Variants in ARHGEF10L observed in about 807,000 individuals in gnomAD.
ARHGEF10L encodes Rho guanine nucleotide exchange factor 10 like, also known as rho guanine nucleotide exchange factor 10-like protein.
ARHGEF10L carries 69 observed loss-of-function variants against 141.2 expected under a neutral mutation model. The observed-to-expected ratio is 0.49, with a 90% confidence interval of 0.40 to 0.60. The LOEUF (loss-of-function observed/expected upper bound fraction) is 0.60, where lower values mean the gene tolerates loss of function less well. Ranked by LOEUF, ARHGEF10L falls within the 20% of genes least tolerant of loss-of-function variation. The pLI is 0.00. For missense variants in ARHGEF10L, 1,482 were observed against 1,734.3 expected (o/e 0.85, Z 2.58); for synonymous variants, 711 against 718.5 (o/e 0.99, Z 0.17).
chr1:17,682,050 T>C (rs1235555425), intron 26 of ARHGEF10L, among the ~76,000 whole-genome samples: 5 of 152,146 alleles, frequency 3.3e-5, no homozygotes, highest in Admixed American at 3.3e-4. Flanking sequence ...GATGTTCACA[T>C]TGTCTTGAAT....
chr1:17,627,208 C>A lies in ARHGEF10L; in HGVS notation c.1411-122C>A. On this transcript the variant is annotated intron_variant, in intron 14 of 28. Transcript: ENST00000361221. The surrounding 1 kb of genome is among the most constrained non-coding windows in gnomAD (Gnocchi z 4.0). Reference sequence around the variant, plus strand: ...CTGCATCTGGTGCCATCTGTCCTGGCCTCAGGCCGGGCCCTTTGCAGACCC... The same window carrying A: ...CTGCATCTGGTGCCATCTGTCCTGGACTCAGGCCGGGCCCTTTGCAGACCC... 2 of 1,197,908 alleles carry A rather than the reference C, an allele frequency of 1.7e-6. No homozygotes were observed. Among genetic ancestry groups the A allele is most frequent in the Non-Finnish European group, 2.4e-6 (2 of 845,570 alleles). 74.2% of individuals were successfully genotyped at this position (1,197,908 alleles called of 1,614,324 possible). A position where few individuals can be genotyped will look rare whatever the true frequency, so the allele number is the denominator to read the frequency against.
chr1:17,683,088 A>AGGGTGCTCACTGCCCCCTGCTCTCACCC (rs2064252141), intron 26 of ARHGEF10L, among the ~76,000 whole-genome samples: 1 of 142,956 alleles, frequency 7.0e-6, no homozygotes. Context: ...TGCTCTCACC[A>AGGGTGCTCACTGCCCCCTGCTCTCACCC]GGGTGCTCAC....
At chr1:17,643,549 A>G (rs547789546) in intron 21 of ARHGEF10L, among the ~76,000 whole-genome samples, 1 of 152,206 alleles carries the variant, frequency 6.6e-6, no homozygotes, top group Non-Finnish European at 1.5e-5. Context: ...TTTGAGAGGC[A>G]GTAAGGGGTG....
rs545847491 is a variant in ARHGEF10L, at chr1:17,553,630, A to G, written c.-44+13680A>G. Among the ~76,000 whole-genome samples the G allele has an allele frequency of 8.6e-5, 13 of 152,042 alleles. No homozygotes were observed. The South Asian group carries it at 2.7e-3, about 32-fold the overall frequency. On this transcript the variant is annotated intron_variant, in intron 1 of 28. Coordinates refer to ENST00000361221, the MANE Select transcript of ARHGEF10L (RefSeq NM_018125.4). ...GACCCCATCTTTAAAAAAAAGCCAA[A>G]AAACAAAAATTAGCCAGGCATGATG...
At chr1:17,601,565 C>A (rs929467994) in intron 4 of ARHGEF10L, among the ~76,000 whole-genome samples, 1 of 152,190 alleles carries the variant, frequency 6.6e-6, no homozygotes, top group African/African-American at 2.4e-5. Context: ...TGTGCACCAG[C>A]CTCCTGAGTA....
At chr1:17,611,255 G>A (rs151094555) in intron 7 of ARHGEF10L, among the ~76,000 whole-genome samples, 3 of 152,328 alleles carry the variant, frequency 2.0e-5, no homozygotes, top group Non-Finnish European at 4.4e-5. Flanking sequence ...GGATGAACAG[G>A]ACTCAGGTCA....
At chr1:17,571,174 G>A (rs1177070547) in intron 1 of ARHGEF10L, among the ~76,000 whole-genome samples, 1 of 152,090 alleles carries the variant, frequency 6.6e-6, no homozygotes, top group Non-Finnish European at 1.5e-5. Context: ...CCTGAACCTG[G>A]GAACTGCCAA....
At chr1:17,670,172 C>T (rs780792903) in intron 26 of ARHGEF10L, among the ~76,000 whole-genome samples, 1 of 152,284 alleles carries the variant, frequency 6.6e-6, no homozygotes, top group Non-Finnish European at 1.5e-5. Context: ...TGAAGACTGC[C>T]TCCCTGAGGC....
rs1265422078 is a variant in ARHGEF10L at position 17,619,799 on chromosome 1, G to T, written c.942+354G>T. On this transcript the variant is annotated intron_variant, in intron 10 of 28. Transcript: ENST00000361221. The surrounding 1 kb of genome is among the most constrained non-coding windows in gnomAD (Gnocchi z 5.0). ...GATCCAGACTCAGGTGAGGCTGCAG[G>T]TGTGTAGGTGCCCAGTCCCTGCCAT... is the stretch of plus-strand genomic sequence containing the variant. Among the ~76,000 whole-genome samples the T allele has an allele frequency of 6.6e-6, 1 of 152,126 alleles. No individual in the cohort carries two copies. The highest frequency in any genetic ancestry group is 1.5e-5 in the Non-Finnish European group (1 of 68,026).
At chr1:17,647,482 A>T (rs2061671885) in intron 21 of ARHGEF10L, among the ~76,000 whole-genome samples, 1 of 152,016 alleles carries the variant, frequency 6.6e-6, no homozygotes, top group Non-Finnish European at 1.5e-5. Flanking sequence ...GAAGGAAGGG[A>T]TCCTCCGCAG....
At chr1:17,529,943 C>T in the ARHGEF10L span, among the ~76,000 whole-genome samples, 9 of 149,832 alleles carry the variant, frequency 6.0e-5, no homozygotes, top group African/African-American at 2.2e-4. Flanking sequence ...AGCAATTCTC[C>T]TGCCTCAGGC....
At chr1:17,562,601 G>T (rs1187522637) in intron 1 of ARHGEF10L, among the ~76,000 whole-genome samples, 1 of 152,258 alleles carries the variant, frequency 6.6e-6, no homozygotes, top group Non-Finnish European at 1.5e-5. Flanking sequence ...GAGATTTCAG[G>T]TGAATCATTG....
the ARHGEF10L span, among the ~76,000 whole-genome samples, chr1:17,523,447 C>T: frequency 1.3e-5 from 2 of 152,174 alleles, no homozygotes; most frequent in Non-Finnish European, 2.9e-5. Context: ...CTGTGCCAGG[C>T]ATCCTGCTGG....
chr1:17,577,483 G>A (rs1221017570), intron 1 of ARHGEF10L, among the ~76,000 whole-genome samples: 4 of 152,204 alleles, frequency 2.6e-5, no homozygotes, highest in South Asian at 2.1e-4. Context: ...TTCTAACCCC[G>A]TGAGGATCTG....
rs1365273378 is a variant in ARHGEF10L, at chr1:17,623,879, C to T, written c.1201-508C>T. Among the ~76,000 whole-genome samples the T allele has an allele frequency of 6.6e-6, 1 of 152,206 alleles. No homozygotes were observed. The highest frequency in any genetic ancestry group is 2.4e-5 in the African/African-American group (1 of 41,446). On this transcript the variant is annotated intron_variant, in intron 12 of 28. Coordinates refer to ENST00000361221, the MANE Select transcript of ARHGEF10L (RefSeq NM_018125.4). This position sits in a 1 kb window ranked among gnomAD's most constrained non-coding sequence, Gnocchi z 4.7. ...AGAGTCACTGAATAGGTCTGATGTT[C>T]TGGGTGTATATCAAGGGGCTCTGGA...
chr1:17,654,484 A>T lies in ARHGEF10L; in HGVS notation c.2395-152A>T. The stretch of plus-strand genomic sequence containing the variant: ...GTGAGCGTGTAGGAACTGCCTGGAG[A>T]AGCAGGCACTCGTGAAGCATGTTGC... On this transcript the variant is annotated intron_variant, in intron 22 of 28. Coordinates refer to ENST00000361221, the MANE Select transcript of ARHGEF10L (RefSeq NM_018125.4). This position sits in a 1 kb window ranked among gnomAD's most constrained non-coding sequence, Gnocchi z 4.3. The T allele has an allele frequency of 1.3e-6, 1 of 741,578 alleles. No homozygotes were observed. Among genetic ancestry groups the T allele is most frequent in the Non-Finnish European group, 2.5e-6 (1 of 408,038 alleles). The allele number at this position is 741,578 out of a possible 1,614,324, so 45.9% of individuals were successfully genotyped here.
intron 16 of ARHGEF10L, 64 bp from the exon 17 acceptor site, chr1:17,634,484 A>G: frequency 1.2e-6 from 2 of 1,613,740 alleles, no homozygotes; most frequent in East Asian, 2.2e-5. Flanking sequence ...GCGGGGTCAC[A>G]GCCCCCAGAT....
At chr1:17,548,485 G>A (rs184800491) in intron 1 of ARHGEF10L, among the ~76,000 whole-genome samples, 1 of 152,066 alleles carries the variant, frequency 6.6e-6, no homozygotes, top group Admixed American at 6.6e-5. Flanking sequence ...AGTAAGGTTT[G>A]TTATGCAGAT....
At chr1:17,601,074 A>AC (rs2080632450) in intron 4 of ARHGEF10L, among the ~76,000 whole-genome samples, 1 of 151,836 alleles carries the variant, frequency 6.6e-6, no homozygotes, top group East Asian at 1.9e-4. Context: ...AAAAACAAAA[A>AC]ACAAAAAACT....
Sources: gnomAD v4.1 joint callset for allele counts (sites outside exome capture counted in the v4.1 genomes callset) on GRCh38, gnomAD v4.1.1 for gene constraint, Gnocchi (gnomAD v3.1) non-coding constraint, MANE v1.5 for transcripts, NCBI Gene and HGNC (gene_info 2026-07-23, HGNC 2026-07-21) for gene names.